The following JAM3 variants were observed in gnomAD, a reference collection of about 807,000 sequenced individuals.
JAM3 encodes junctional adhesion molecule 3.
JAM3 carries 31 observed loss-of-function variants against 39.4 expected under a neutral mutation model. The observed-to-expected ratio is 0.79, with a 90% CI of 0.59 to 1.06. The LOEUF (loss-of-function observed/expected upper bound fraction) is 1.06, where lower values mean the gene tolerates loss of function less well. Ranked by LOEUF, JAM3 falls within the 50% of genes least tolerant of loss-of-function variation. The pLI is 0.00. For synonymous variants in JAM3, 182 were observed against 148.7 expected (o/e 1.22, Z -1.63); for missense variants, 455 against 391.4 (o/e 1.16, Z -1.37).
At position 134,151,732 on chromosome 11, in the gene JAM3, T is replaced by TAAAA. The variant is rs928942420; in HGVS notation, c.*2552_*2555dup. On this transcript the variant is annotated 3_prime_UTR_variant, in exon 9 of 9. Coordinates refer to ENST00000299106, the MANE Select transcript of JAM3 (RefSeq NM_032801.5). The stretch of plus-strand genomic sequence containing the variant: ...TTTGGCATTTGTTTAACCTCATTTA[T>TAAAA]AAAAGCTTCAAAAAAACCCAAACAT... 1.6e-4 allele frequency: 24 copies of TAAAA among 152,364 alleles called. No individual in the cohort carries two copies. Among genetic ancestry groups the TAAAA allele is most frequent in the African/African-American group, 5.3e-4 (22 of 41,586 alleles). The allele number at this position is 152,364 out of a possible 1,614,324, so 9.4% of individuals were successfully genotyped here. A position where few individuals can be genotyped will look rare whatever the true frequency, so the allele number is the denominator to read the frequency against.
chr11:134,094,377 C>T (rs1941936106), intron 1 of JAM3, among the ~76,000 whole-genome samples: 1 of 140,294 alleles, frequency 7.1e-6, no homozygotes, highest in East Asian at 2.0e-4. Context: ...AGGGAAGCTT[C>T]TCCTGAACCC....
intron 1 of JAM3, among the ~76,000 whole-genome samples, chr11:134,111,878 C>G (rs187850832): frequency 5.3e-5 from 8 of 152,312 alleles, no homozygotes; most frequent in Admixed American, 5.2e-4. Context: ...AAATGTCCCT[C>G]AGTTATAATG....
chr11:134,082,157 C>G (rs1451821906), intron 1 of JAM3, among the ~76,000 whole-genome samples: 1 of 152,210 alleles, frequency 6.6e-6, no homozygotes, highest in African/African-American at 2.4e-5. Flanking sequence ...GCCAATTTCT[C>G]CCATTTGGAA....
intron 1 of JAM3, among the ~76,000 whole-genome samples, chr11:134,079,027 G>A (rs554674406): frequency 4.0e-5 from 5 of 124,672 alleles, no homozygotes; most frequent in South Asian, 2.3e-4. Context: ...CAGTAAGAGC[G>A]AAACTCTGTT....
intron 1 of JAM3, among the ~76,000 whole-genome samples, chr11:134,132,535 G>T (rs1333285429): frequency 6.6e-6 from 1 of 152,092 alleles, no homozygotes; most frequent in African/African-American, 2.4e-5. Context: ...TTATAATTTT[G>T]GTTTATAATT....
In JAM3 at chr11:134,125,302, A is replaced by T. The variant is rs555716204; in HGVS notation, c.77-14549A>T. Among the ~76,000 whole-genome samples the T allele has an allele frequency of 9.8e-5, 15 of 152,322 alleles. No individual in the cohort carries two copies. The East Asian group carries it at 2.9e-3, about 29-fold the overall frequency. ...TTGAAGATGACGGTGCCAGCTGCAC[A>T]TCATGTCAGAGGCTTTTTTTAGGTC... On this transcript the variant is annotated intron_variant, in intron 1 of 8. Coordinates refer to ENST00000299106, the MANE Select transcript of JAM3 (RefSeq NM_032801.5).
intron 1 of JAM3, among the ~76,000 whole-genome samples, chr11:134,104,119 C>G (rs1942133616): frequency 6.6e-6 from 1 of 152,202 alleles, no homozygotes; most frequent in South Asian, 2.1e-4. Flanking sequence ...TAAAGCACTC[C>G]TCAGCAAATG....
At position 134,070,252 on chromosome 11, in the gene JAM3, C is replaced by G. The variant is rs1251275012; in HGVS notation, c.76+1093C>G. The G allele has an allele frequency of 8.8e-6, 4 of 456,000 alleles. No homozygotes were observed. The Admixed American group carries it at 9.4e-5, about 11-fold the overall frequency. 28.2% of individuals were successfully genotyped at this position (456,000 alleles called of 1,614,324 possible). A position where few individuals can be genotyped will look rare whatever the true frequency, so the allele number is the denominator to read the frequency against. ...CATATTTACCTAAAGCAGGACACCACACTCTTCCCCTGGCAGCCATCCGCA... is the reference window on the plus strand; with the variant it reads ...CATATTTACCTAAAGCAGGACACCAGACTCTTCCCCTGGCAGCCATCCGCA... On this transcript the variant is annotated intron_variant, in intron 1 of 8. Coordinates refer to ENST00000299106, the MANE Select transcript of JAM3 (RefSeq NM_032801.5).
chr11:134,122,139 A>G (rs1276568048), intron 1 of JAM3, among the ~76,000 whole-genome samples: 1 of 152,220 alleles, frequency 6.6e-6, no homozygotes, highest in Non-Finnish European at 1.5e-5. Flanking sequence ...GTTAAAAATC[A>G]AAACTCCAGC....
intron 1 of JAM3, among the ~76,000 whole-genome samples, chr11:134,078,115 T>C (rs2120581834): frequency 6.6e-6 from 1 of 151,754 alleles, no homozygotes; most frequent in East Asian, 2.0e-4. Context: ...CCCACTGGAG[T>C]GTTTTTTTAT....
In JAM3 at chr11:134,132,790, TG is replaced by T. The variant is rs372824276; in HGVS notation, c.77-7054del. Among the ~76,000 whole-genome samples the T allele has an allele frequency of 3.2e-3, 482 of 152,208 alleles. 1 individual carries two copies. The highest frequency in any genetic ancestry group is 4.1e-3 in the Non-Finnish European group (279 of 68,008). On this transcript the variant is annotated intron_variant, in intron 1 of 8. Transcript: ENST00000299106. ...TGGAGATAAAACTCACGAGAATGTC[TG>T]GGGGGGCCTGCTAAGACTGGGCCCC...
At chr11:134,105,229 A>G (rs1342039131) in intron 1 of JAM3, among the ~76,000 whole-genome samples, 1 of 152,248 alleles carries the variant, frequency 6.6e-6, no homozygotes, top group Non-Finnish European at 1.5e-5. Context: ...CATCCGGCAT[A>G]TAAACAGAAC....
chr11:134,143,244 T>C (rs1404204224), intron 3 of JAM3, among the ~76,000 whole-genome samples: 1 of 152,198 alleles, frequency 6.6e-6, no homozygotes, highest in Non-Finnish European at 1.5e-5. Context: ...TTACCAACAC[T>C]TGTTATTGTC....
At chr11:134,077,899 G>A (rs1056779781) in intron 1 of JAM3, among the ~76,000 whole-genome samples, 7 of 151,826 alleles carry the variant, frequency 4.6e-5, no homozygotes, top group African/African-American at 7.3e-5. Context: ...TGATCCGCCC[G>A]CCTCGGCTTC....
At chr11:134,073,793 G>A (rs1365747550) in intron 1 of JAM3, among the ~76,000 whole-genome samples, 3 of 152,184 alleles carry the variant, frequency 2.0e-5, no homozygotes, top group African/African-American at 7.2e-5. Flanking sequence ...TATCTTTCCA[G>A]AGGTGATTCT....
intron 3 of JAM3, among the ~76,000 whole-genome samples, chr11:134,142,182 G>A (rs1048873358): frequency 6.6e-6 from 1 of 152,130 alleles, no homozygotes; most frequent in Non-Finnish European, 1.5e-5. Flanking sequence ...TAAACATTTT[G>A]CTCTTAGCCA....
chr11:134,131,930 A>G (rs1029966122), intron 1 of JAM3, among the ~76,000 whole-genome samples: 1 of 152,206 alleles, frequency 6.6e-6, no homozygotes, highest in Non-Finnish European at 1.5e-5. Context: ...AAAAGTGAAC[A>G]GAGTCTAAGC....
intron 1 of JAM3, among the ~76,000 whole-genome samples, chr11:134,090,467 A>G (rs1941827085): frequency 6.6e-6 from 1 of 152,154 alleles, no homozygotes; most frequent in Non-Finnish European, 1.5e-5. Flanking sequence ...TGGGAACATG[A>G]AGGAGAAGAT....
chr11:134,128,223 A>T (rs899395963), intron 1 of JAM3, among the ~76,000 whole-genome samples: 5 of 151,022 alleles, frequency 3.3e-5, no homozygotes, highest in African/African-American at 9.8e-5. Context: ...ATGCCATTCC[A>T]TGTGGTTTTA....
Sources: gnomAD v4.1 joint callset for allele counts (sites outside exome capture counted in the v4.1 genomes callset) on GRCh38, gnomAD v4.1.1 for gene constraint, MANE v1.5 for transcripts, NCBI Gene and HGNC (gene_info 2026-07-23, HGNC 2026-07-21) for gene names.